Variants in SIAH1 observed in about 807,000 individuals in gnomAD.
SIAH1 encodes the protein siah E3 ubiquitin protein ligase 1.
SIAH1 carries 2 observed loss-of-function variants against 20.0 expected under a neutral mutation model. That is an observed-to-expected ratio of 0.10 (90% CI 0.04 to 0.31). The LOEUF (loss-of-function observed/expected upper bound fraction) is 0.31. SIAH1 is among the 10% of genes least tolerant of loss of function. The probability of loss-of-function intolerance (pLI) is 1.00; values close to 1 mark genes in which losing one functional copy is unlikely to be tolerated. For missense variants in SIAH1, 119 were observed against 355.3 expected, an observed-to-expected ratio of 0.33 and a Z score of 5.35; for synonymous variants, 118 against 125.3, an observed-to-expected ratio of 0.94 and a Z score of 0.39.
At chr16:48,385,858 C>T (rs1163416773), upstream of SIAH1, among the ~76,000 whole-genome samples, 1 of 152,208 alleles carries the variant, frequency 6.6e-6, no homozygotes, top group Non-Finnish European at 1.5e-5. Flanking sequence ...AGCCCAGCGC[C>T]TCCACGGATC....
At chr16:48,385,568 G>A (rs998010982), upstream of SIAH1, 2 of 151,856 alleles carry the variant, frequency 1.3e-5, no homozygotes, top group African/African-American at 2.4e-5. Context: ...CGCGGGCGTA[G>A]CTGTGCGGGT....
At chr16:48,372,027 A>G (rs766513862) in intron 1 of SIAH1, among the ~76,000 whole-genome samples, 9 of 152,068 alleles carry the variant, frequency 5.9e-5, no homozygotes, top group Non-Finnish European at 1.2e-4. Context: ...ACACACAGAG[A>G]AAAAAATTTT....
chr16:48,372,936 A>G (rs1247441502), intron 1 of SIAH1, among the ~76,000 whole-genome samples: 2 of 152,132 alleles, frequency 1.3e-5, no homozygotes, highest in Admixed American at 1.3e-4. Flanking sequence ...GCAACACCTA[A>G]CAGAGTTGAC....
intron 1 of SIAH1, among the ~76,000 whole-genome samples, chr16:48,380,416 G>C (rs1449849338): frequency 6.6e-6 from 1 of 151,446 alleles, no homozygotes; most frequent in Admixed American, 6.6e-5. Context: ...TGGCGCCACC[G>C]CACTCCAGTC....
At chr16:48,374,208 G>C (rs1961048033) in intron 1 of SIAH1, among the ~76,000 whole-genome samples, 5 of 152,262 alleles carry the variant, frequency 3.3e-5, no homozygotes, top group Admixed American at 3.3e-4. Flanking sequence ...TGGAAGGTAG[G>C]ATTTTTGTCT....
At chr16:48,373,574 AC>A in intron 1 of SIAH1, among the ~76,000 whole-genome samples, 1 of 152,190 alleles carries the variant, frequency 6.6e-6, no homozygotes, top group East Asian at 1.9e-4. Context: ...AGTCCAAGCC[AC>A]CAGTATCTCT....
At chr16:48,377,030 T>C (rs1961127241) in intron 1 of SIAH1, among the ~76,000 whole-genome samples, 1 of 152,204 alleles carries the variant, frequency 6.6e-6, no homozygotes, top group African/African-American at 2.4e-5. Flanking sequence ...GTATCAACCA[T>C]CACTAGACCA....
At chr16:48,368,126 G>C (rs1960887802) in intron 1 of SIAH1, among the ~76,000 whole-genome samples, 1 of 152,120 alleles carries the variant, frequency 6.6e-6, no homozygotes, top group African/African-American at 2.4e-5. Context: ...TTAAAATGGA[G>C]AAATGTAGTC....
At position 48,361,443 on chromosome 16, in the gene SIAH1, C is replaced by G; in HGVS notation, c.*137G>C. ...ACATGCAACTGTTTCCTGTATTTAA[C>G]AGCCTTTCTTTTTATTTACCTTCAT... On this transcript the variant is annotated 3_prime_UTR_variant, in exon 2 of 2. Transcript: ENST00000394725. 1 of 776,064 alleles carries G rather than the reference C, an allele frequency of 1.3e-6. No individual in the cohort carries two copies. Among genetic ancestry groups the G allele is most frequent in the South Asian group, 1.7e-5 (1 of 58,714 alleles). The allele number at this position is 776,064 out of a possible 1,614,324, so 48.1% of individuals were successfully genotyped here.
intron 1 of SIAH1, among the ~76,000 whole-genome samples, chr16:48,381,689 G>A (rs1334068377): frequency 6.6e-6 from 1 of 152,194 alleles, no homozygotes; most frequent in Non-Finnish European, 1.5e-5. Flanking sequence ...TTACACATAT[G>A]ACATTCTGGA....
rs28473019 is a variant in SIAH1 at position 48,368,472 on chromosome 16, G to A, written c.-2-6042C>T. ...GCACTTTGGGAGGCCAAGGCAGGTG[G>A]ATCACCTGAGGTCAGGAGTTCAAGA... On this transcript the variant is annotated intron_variant, in intron 1 of 1. Transcript: ENST00000394725. Among the ~76,000 whole-genome samples, 917 of 152,316 alleles carry A rather than the reference G, an allele frequency of 6.0e-3. 7 individuals are homozygous for A. The highest frequency in any genetic ancestry group is 0.021 in the African/African-American group (879 of 41,562).
chr16:48,365,395 T>G (rs747006019), intron 1 of SIAH1: 2 of 1,613,976 alleles, frequency 1.2e-6, no homozygotes, highest in Non-Finnish European at 1.7e-6. Flanking sequence ...ACCTTTTCTC[T>G]TCCTTGTCCT....
intron 1 of SIAH1, chr16:48,365,520 G>C (rs1192125537): frequency 6.3e-7 from 1 of 1,597,806 alleles, no homozygotes; most frequent in Admixed American, 1.7e-5. Flanking sequence ...AGAAGTAAAG[G>C]AACAGGCCCC....
chr16:48,372,006 TAC>T (rs113043573), intron 1 of SIAH1, among the ~76,000 whole-genome samples: 76 of 150,954 alleles, frequency 5.0e-4, no homozygotes, highest in East Asian at 5.8e-4. Flanking sequence ...TAAGTATGTA[TAC>T]ACACACACAC....
intron 1 of SIAH1, among the ~76,000 whole-genome samples, chr16:48,369,681 G>T (rs1405482055): frequency 3.3e-5 from 5 of 152,202 alleles, no homozygotes; most frequent in Non-Finnish European, 1.5e-5. Flanking sequence ...TGTAAAGGCT[G>T]CAATGAGCTA....
chr16:48,381,225 A>T (rs1961281745), intron 1 of SIAH1, among the ~76,000 whole-genome samples: 1 of 152,136 alleles, frequency 6.6e-6, no homozygotes, highest in Admixed American at 6.5e-5. Context: ...GGCGCCTGTA[A>T]TCCCAGCTAC....
In SIAH1 at chr16:48,384,955, C is replaced by T. The variant is rs868838476; in HGVS notation, c.-3+249G>A. On this transcript the variant is annotated intron_variant, in intron 1 of 1. Coordinates refer to ENST00000394725, the MANE Select transcript of SIAH1 (RefSeq NM_003031.4). ...CGCGCGGGGCCGACCCCCGCCGCCA[C>T]CCCGCCGGGCCCGGGGCTCCAGGGG... Among the ~76,000 whole-genome samples the T allele has an allele frequency of 5.6e-3, 816 of 146,136 alleles. 6 individuals carry two copies. Among genetic ancestry groups the T allele is most frequent in the African/African-American group, 0.019 (765 of 40,806 alleles).
chr16:48,384,565 G>T (rs577362209), intron 1 of SIAH1, among the ~76,000 whole-genome samples: 108 of 152,268 alleles, frequency 7.1e-4, no homozygotes, highest in Non-Finnish European at 1.2e-3. Context: ...AACAAGGGAG[G>T]AGGCTGCATT....
chr16:48,378,687 A>G (rs1231054091), intron 1 of SIAH1, among the ~76,000 whole-genome samples: 1 of 152,200 alleles, frequency 6.6e-6, no homozygotes, highest in African/African-American at 2.4e-5. Context: ...AGATGCTAAT[A>G]TCAGCTAACA....
Sources: allele counts gnomAD v4.1 joint callset (sites outside exome capture counted in the v4.1 genomes callset), GRCh38; gene constraint gnomAD v4.1.1; transcripts MANE v1.5; gene names NCBI Gene and HGNC (gene_info 2026-07-23, HGNC 2026-07-21).